The following BLTP1 variants were observed in gnomAD, a reference collection of about 807,000 sequenced individuals.
BLTP1 encodes bridge-like lipid transfer protein family member 1, also known as fragile site-associated protein.
the BLTP1 span, chr4:122,180,065 C>T: frequency 2.0e-6 from 2 of 984,760 alleles, no homozygotes; most frequent in Non-Finnish European, 2.4e-6. Context: ...CACACACACA[C>T]ACACACACGG....
the BLTP1 span, among the ~76,000 whole-genome samples, chr4:122,242,293 A>T: frequency 6.6e-6 from 1 of 152,312 alleles, no homozygotes; most frequent in South Asian, 2.1e-4. Context: ...TTCTTCTGCC[A>T]TAAAAAAAGT....
At chr4:122,176,314 A>G in the BLTP1 span, among the ~76,000 whole-genome samples, 1 of 151,728 alleles carries the variant, frequency 6.6e-6, no homozygotes, top group African/African-American at 2.4e-5. Context: ...AAAAAAAAAG[A>G]AAAAGAAAAG....
chr4:122,203,683 T>C, the BLTP1 span: 22 of 191,960 alleles, frequency 1.1e-4, no homozygotes, highest in Non-Finnish European at 2.0e-4. Context: ...AATAAAAATA[T>C]TTTGTCACCA....
chr4:122,298,658 T>TATACTTCTGTTTGGAACATC, the BLTP1 span: 3 of 586,636 alleles, frequency 5.1e-6, no homozygotes, highest in Non-Finnish European at 6.4e-6. Context: ...TTTGGAACAT[T>TATACTTCTGTTTGGAACATC]AGGTATTTAA....
the BLTP1 span, among the ~76,000 whole-genome samples, chr4:122,238,695 C>T: frequency 9.2e-5 from 14 of 152,292 alleles, no homozygotes; most frequent in South Asian, 2.5e-3. Context: ...GTTGGCCACT[C>T]CCTTCTTGAA....
At chr4:122,345,226 T>C in the BLTP1 span, among the ~76,000 whole-genome samples, 133 of 152,286 alleles carry the variant, frequency 8.7e-4, no homozygotes, top group Non-Finnish European at 1.7e-3. Context: ...CAAGGTCTTA[T>C]GTGTAGACAA....
chr4:122,188,063 AGATATGTTGG>A, the BLTP1 span: 1 of 1,529,968 alleles, frequency 6.5e-7, no homozygotes, highest in East Asian at 2.4e-5. Flanking sequence ...TCCTAGTCCA[AGATATGTTGG>A]TCTTCAAAAT....
At chr4:122,292,213 C>T in the BLTP1 span, 79 of 294,118 alleles carry the variant, frequency 2.7e-4, no homozygotes, top group Admixed American at 8.4e-4. Flanking sequence ...TTGTGATCTG[C>T]GTGCCTTGGC....
chr4:122,208,785 T>A, the BLTP1 span: 2 of 511,722 alleles, frequency 3.9e-6, no homozygotes, highest in Non-Finnish European at 5.0e-6. Flanking sequence ...CTCACTCGTG[T>A]AATCCCAGCA....
At chr4:122,361,312 C>A in the BLTP1 span, among the ~76,000 whole-genome samples, 5 of 151,924 alleles carry the variant, frequency 3.3e-5, no homozygotes, top group African/African-American at 1.2e-4. Flanking sequence ...GGCATCGATG[C>A]AGAACTTAAC....
chr4:122,222,933 G>C, the BLTP1 span: 2 of 917,172 alleles, frequency 2.2e-6, no homozygotes, highest in Non-Finnish European at 2.6e-6. Context: ...GTATCATGTA[G>C]GCTATACCTT....
At chr4:122,161,880 A>G in the BLTP1 span, among the ~76,000 whole-genome samples, 8 of 152,220 alleles carry the variant, frequency 5.3e-5, no homozygotes, top group Non-Finnish European at 8.8e-5. Flanking sequence ...GCAAATATTT[A>G]TTGAGAGACT....
the BLTP1 span, among the ~76,000 whole-genome samples, chr4:122,329,095 C>A: frequency 6.6e-6 from 1 of 151,730 alleles, no homozygotes; most frequent in Non-Finnish European, 1.5e-5. Flanking sequence ...TCCCATACAT[C>A]AGCATATTTG....
At chr4:122,238,706 TCA>T in the BLTP1 span, among the ~76,000 whole-genome samples, 1 of 152,182 alleles carries the variant, frequency 6.6e-6, no homozygotes, top group Non-Finnish European at 1.5e-5. Flanking sequence ...CCTTCTTGAA[TCA>T]CAGTTTCCTC....
chr4:122,282,131 G>T, the BLTP1 span: 1 of 966,998 alleles, frequency 1.0e-6, no homozygotes, highest in Non-Finnish European at 1.2e-6. Flanking sequence ...TCAAATCAGG[G>T]GTCATTTGAT....
the BLTP1 span, chr4:122,289,923 T>C: frequency 2.8e-6 from 1 of 351,160 alleles, no homozygotes; most frequent in Non-Finnish European, 4.0e-6. Flanking sequence ...GAAAAACTAC[T>C]GTAGTCTAAA....
At chr4:122,196,814 A>G in the BLTP1 span, 1 of 1,258,894 alleles carries the variant, frequency 7.9e-7, no homozygotes, top group Non-Finnish European at 1.1e-6. Flanking sequence ...ATAATATAGT[A>G]GAAAATAGTA....
At chr4:122,240,078 G>A in the BLTP1 span, 10 of 1,614,120 alleles carry the variant, frequency 6.2e-6, no homozygotes, top group South Asian at 2.2e-5. Flanking sequence ...GGCTTCATTT[G>A]TTTCTGCGTT....
chr4:122,269,882 C>G, the BLTP1 span, among the ~76,000 whole-genome samples: 1 of 152,082 alleles, frequency 6.6e-6, no homozygotes, highest in African/African-American at 2.4e-5. Context: ...AACTTTGGCT[C>G]TGCAGTGCCC....
Sources: allele counts gnomAD v4.1 joint callset (sites outside exome capture counted in the v4.1 genomes callset), GRCh38; gene constraint gnomAD v4.1.1; transcripts MANE v1.5; gene names NCBI Gene and HGNC (gene_info 2026-07-23, HGNC 2026-07-21).